Variants in SCAF11 observed in about 807,000 individuals in gnomAD.
The protein encoded by SCAF11 is SR-related CTD associated factor 11, also known as protein SCAF11.
In SCAF11, 47 loss-of-function variants were observed where a neutral mutation model predicts 140.5. That is an observed-to-expected ratio of 0.33 (90% confidence interval 0.26 to 0.43). The LOEUF is 0.43. Ranked by LOEUF, SCAF11 falls within the 20% of genes least tolerant of loss-of-function variation. The probability of loss-of-function intolerance (pLI) is 1.00; values close to 1 mark genes in which losing one functional copy is unlikely to be tolerated. For synonymous variants in SCAF11, 557 were observed against 579.4 expected, an observed-to-expected ratio of 0.96 and a Z score of 0.55; for missense variants, 1,645 against 1,705.1, an observed-to-expected ratio of 0.96 and a Z score of 0.62.
intron 4 of SCAF11, among the ~76,000 whole-genome samples, chr12:45,950,237 G>A (rs1040647022): frequency 2.0e-5 from 3 of 152,120 alleles, no homozygotes; most frequent in Admixed American, 1.3e-4. Flanking sequence ...AAGTGAGTAA[G>A]AATTGAGAAG....
rs145035405 is a variant in SCAF11, at chr12:45,927,341, G to C, written c.2360C>G (p.Pro787Arg). ...ATGAAATCTAGATCTTCGAGTACGA[G>C]GCTTTTTGGTTTTATCTATGGTATC... ...PKDTIDKTKK[P>R]RTRRSRFHSP... Residue 787 changes from proline (P) to arginine (R), a missense_variant, in exon 11 of 15, where the codon CCT (proline) becomes CGT (arginine). Pro to Arg is a moderately radical substitution (Grantham distance 103, BLOSUM62 -2). Coordinates refer to ENST00000369367, the MANE Select transcript of SCAF11 (RefSeq NM_004719.3). 782 of 1,614,092 alleles carry C rather than the reference G, an allele frequency of 4.8e-4. 4 individuals carry two copies. The African/African-American group carries it at 9.4e-3, about 19-fold the overall frequency.
intron 1 of SCAF11, among the ~76,000 whole-genome samples, chr12:45,984,043 C>T (rs746634703): frequency 6.6e-6 from 1 of 152,118 alleles, no homozygotes; most frequent in African/African-American, 2.4e-5. Flanking sequence ...TAAAAGAACA[C>T]GTCTGTATGC....
chr12:45,927,638 A>G lies in SCAF11; in HGVS notation c.2063T>C (p.Leu688Pro). 6.2e-7 allele frequency: 1 copy of G among 1,612,390 alleles called. No homozygotes were observed. Residue 688 changes from leucine to proline, a missense_variant, in exon 11 of 15, where the codon CTG becomes CCG. Around this residue, in one of 2 missense-constraint regions of SCAF11, gnomAD observed 1,582 missense variants for 1,609.2 expected, o/e 0.98. Coordinates refer to ENST00000369367, the MANE Select transcript of SCAF11 (RefSeq NM_004719.3). The part of the protein sequence containing the change: ...EKSLEEKNES[L>P]TEHPRSTELP... ...CTCTGTAGATCTAGGATGTTCGGTC[A>G]GCGATTCATTCTTTTCTTCTAAAGA...
chr12:45,924,032 G>C (rs1455453675), intron 12 of SCAF11, among the ~76,000 whole-genome samples: 3 of 152,082 alleles, frequency 2.0e-5, no homozygotes, highest in African/African-American at 2.4e-5. Flanking sequence ...TGTATTTTTA[G>C]TAGAGGCAGG....
chr12:45,974,487 TTATCAAC>T lies in SCAF11; in HGVS notation c.-21-10306_-21-10300del. The T allele has an allele frequency of 1.9e-5, 5 of 263,266 alleles. No individual in the cohort carries two copies. In the South Asian group the frequency reaches 2.0e-4, roughly 10 times the overall value. The allele number at this position is 263,266 out of a possible 1,614,324, so 16.3% of individuals were successfully genotyped here. On this transcript the variant is annotated intron_variant, in intron 1 of 14. Transcript: ENST00000369367. ...AATCCTCTCAAACTCTGCCACTGTG[TTATCAAC>T]TAAGTTTATATACTATTTTAACAAT... is the stretch of plus-strand genomic sequence containing the variant.
rs202074705 is a variant in SCAF11 at position 45,951,678 on chromosome 12, T to G, written c.269A>C (p.Lys90Thr). 1,015 of 1,593,188 alleles carry G rather than the reference T, an allele frequency of 6.4e-4. 3 individuals are homozygous for G. Among genetic ancestry groups the G allele is most frequent in the East Asian group, 1.7e-3 (77 of 44,562 alleles). Reference sequence around the variant, plus strand: ...AACATAACCTTCCAATGCACTGAATTTAAACACTGCCTGAAAAGGTTTACG... The same window carrying G: ...AACATAACCTTCCAATGCACTGAATGTAAACACTGCCTGAAAAGGTTTACG... Reference protein sequence around the residue: ...IDRKPFQAVFKFSALEGYVKV... With the variant: ...IDRKPFQAVFTFSALEGYVKV... The change falls in exon 4 of 15, where the codon AAA becomes ACA. Residue 90 changes from lysine (K) to threonine (T), a missense_variant. Transcript: ENST00000369367.
chr12:45,991,788 C>T, upstream of SCAF11: 1 of 914,552 alleles, frequency 1.1e-6, no homozygotes, highest in Non-Finnish European at 1.4e-6. Context: ...CCTCAGTGTC[C>T]CCCATCTACC....
intron 3 of SCAF11, among the ~76,000 whole-genome samples, chr12:45,953,175 T>G (rs1945590780): frequency 6.6e-6 from 1 of 152,160 alleles, no homozygotes; most frequent in Non-Finnish European, 1.5e-5. Context: ...TACTATGGAT[T>G]TAGGAGGCTA....
intron 6 of SCAF11, among the ~76,000 whole-genome samples, chr12:45,944,864 T>C (rs1945382467): frequency 6.6e-6 from 1 of 152,218 alleles, no homozygotes; most frequent in Non-Finnish European, 1.5e-5. Flanking sequence ...TGAATTACTT[T>C]CTTGCTGTCA....
At chr12:45,972,240 T>C (rs568785450) in intron 1 of SCAF11, among the ~76,000 whole-genome samples, 1 of 152,220 alleles carries the variant, frequency 6.6e-6, no homozygotes, top group African/African-American at 2.4e-5. Context: ...AGAAAGCTAA[T>C]TGGAACTTGT....
At position 45,928,212 on chromosome 12, in the gene SCAF11, TCTC is replaced by T; in HGVS notation, c.1486_1488del (p.Glu496del). On this transcript the variant is annotated inframe_deletion, in exon 11 of 15. Coordinates refer to ENST00000369367, the MANE Select transcript of SCAF11 (RefSeq NM_004719.3). ...AAAACATTAGCCTCTATACCTGTAT[TCTC>T]GAGTTTTTTAACTTCCCCTTCCTCA... The T allele has an allele frequency of 6.2e-7, 1 of 1,613,998 alleles. No homozygotes were observed. The highest frequency in any genetic ancestry group is 1.1e-5 in the South Asian group (1 of 91,084).
intron 1 of SCAF11, among the ~76,000 whole-genome samples, chr12:45,972,945 T>TATATGGATATATATATAGATATATAG (rs1946131647): frequency 1.0e-5 from 1 of 99,216 alleles, no homozygotes; most frequent in African/African-American, 4.9e-5. Context: ...TATAGATATA[T>TATATGGATATATATATAGATATATAG]ATATAGATAT....
intron 3 of SCAF11, among the ~76,000 whole-genome samples, chr12:45,957,911 G>T (rs539113163): frequency 6.6e-6 from 1 of 151,470 alleles, no homozygotes; most frequent in Non-Finnish European, 1.5e-5. Flanking sequence ...TCTTTTTTTT[G>T]AGATAGGGTC....
At chr12:45,923,987 A>T (rs568732409) in intron 12 of SCAF11, among the ~76,000 whole-genome samples, 3 of 152,026 alleles carry the variant, frequency 2.0e-5, no homozygotes, top group Non-Finnish European at 4.4e-5. Context: ...AGTAGCTGGG[A>T]TTACAGGCGC....
rs1238474223 is a variant in SCAF11, at chr12:45,921,842, G to T, written c.*206C>A. The T allele has an allele frequency of 5.6e-6, 3 of 532,844 alleles. No individual in the cohort carries two copies. Among genetic ancestry groups the T allele is most frequent in the South Asian group, 4.9e-5 (2 of 40,598 alleles). The allele number at this position is 532,844 out of a possible 1,614,324, so 33.0% of individuals were successfully genotyped here. A position where few individuals can be genotyped will look rare whatever the true frequency, so the allele number is the denominator to read the frequency against. Reference sequence around the variant, plus strand: ...CCCTTTACTTTCCCTTGAATTTTGTGGGGGAGGGTGGAGGGGAAGGAAGGA... The same window carrying T: ...CCCTTTACTTTCCCTTGAATTTTGTTGGGGAGGGTGGAGGGGAAGGAAGGA... On this transcript the variant is annotated 3_prime_UTR_variant, in exon 15 of 15. Transcript: ENST00000369367.
chr12:45,974,508 T>C (rs773317476), intron 1 of SCAF11: 14 of 225,670 alleles, frequency 6.2e-5, no homozygotes, highest in African/African-American at 9.1e-5. Flanking sequence ...GTTTATATAC[T>C]ATTTTAACAA....
At chr12:45,934,371 G>C (rs1295853772) in intron 7 of SCAF11, 76 bp downstream of exon 7, 40 of 1,380,612 alleles carry the variant, frequency 2.9e-5, no homozygotes, top group Non-Finnish European at 4.0e-5. Flanking sequence ...TACACCTGAA[G>C]CACTGGTTAT....
At chr12:45,940,124 CTCA>C (rs1336316164) in intron 6 of SCAF11, among the ~76,000 whole-genome samples, 2 of 151,818 alleles carry the variant, frequency 1.3e-5, no homozygotes, top group African/African-American at 4.8e-5. Flanking sequence ...TCTAAGAAAC[CTCA>C]TAAGAAATGT....
intron 1 of SCAF11, among the ~76,000 whole-genome samples, chr12:45,979,713 C>T (rs1946308510): frequency 6.6e-6 from 1 of 152,076 alleles, no homozygotes; most frequent in Non-Finnish European, 1.5e-5. Context: ...ACAAACTCAT[C>T]CTTCTAGGTA....
Sources: allele counts gnomAD v4.1 joint callset (sites outside exome capture counted in the v4.1 genomes callset), GRCh38; gene constraint gnomAD v4.1.1; regional missense constraint gnomAD v4.1.1; transcripts MANE v1.5; gene names NCBI Gene and HGNC (gene_info 2026-07-23, HGNC 2026-07-21).